MANBA: variants seen among roughly 807,000 people sequenced by gnomAD.
The protein encoded by MANBA is beta-mannosidase.
In MANBA, 83 loss-of-function variants were observed where a neutral mutation model predicts 111.1. That is an observed-to-expected ratio of 0.75 (90% CI 0.63 to 0.90). The LOEUF (loss-of-function observed/expected upper bound fraction) is 0.90. Ranked by LOEUF, MANBA falls within the 40% of genes least tolerant of loss-of-function variation. MANBA has a pLI of 0.00. For synonymous variants in MANBA, 370 were observed against 378.7 expected, an observed-to-expected ratio of 0.98 and a Z score of 0.27; for missense variants, 1,036 against 1,069.0, an observed-to-expected ratio of 0.97 and a Z score of 0.43.
At chr4:102,736,480 A>T (rs1353484076) in intron 1 of MANBA, among the ~76,000 whole-genome samples, 1 of 151,790 alleles carries the variant, frequency 6.6e-6, no homozygotes, top group Non-Finnish European at 1.5e-5. Flanking sequence ...TAGCTTTTCC[A>T]CTCCCCAGTT....
intron 7 of MANBA, among the ~76,000 whole-genome samples, chr4:102,680,511 A>G (rs1202800221): frequency 6.6e-6 from 1 of 152,114 alleles, no homozygotes; most frequent in African/African-American, 2.4e-5. Flanking sequence ...CTTGTCTAGG[A>G]AAGCTTTTCT....
chr4:102,706,355 A>G (rs1733295729), intron 5 of MANBA, among the ~76,000 whole-genome samples: 1 of 152,234 alleles, frequency 6.6e-6, no homozygotes. Flanking sequence ...GATGCTGTTT[A>G]CAGCTGAAGA....
chr4:102,734,509 A>T (rs1723139076), intron 1 of MANBA: 8 of 1,607,296 alleles, frequency 5.0e-6, no homozygotes, highest in Non-Finnish European at 6.0e-6. Context: ...CACGAGGTGG[A>T]GGCTGAACCA....
At chr4:102,660,204 T>C (rs1560754659) in intron 11 of MANBA, among the ~76,000 whole-genome samples, 2 of 152,150 alleles carry the variant, frequency 1.3e-5, no homozygotes, top group African/African-American at 2.4e-5. Context: ...ATTGGAGTCA[T>C]CTTCAATTTC....
At position 102,634,963 on chromosome 4, in the gene MANBA, A is replaced by T. The variant is rs766030670; in HGVS notation, c.2240T>A (p.Val747Asp). ...AGACACTGGCTCCTCATAAAGGCAGACAGCCTCTCCTCCTTTCATCACAAA... is the reference window on the plus strand; with the variant it reads ...AGACACTGGCTCCTCATAAAGGCAGTCAGCCTCTCCTCCTTTCATCACAAA... ...ERFVMKGGEA[V>D]CLYEEPVSEL... Residue 747 changes from valine (V) to aspartate (D), a missense_variant, in exon 16 of 17, where the codon GTC (valine) becomes GAC (aspartate). Val to Asp is a radical substitution (Grantham distance 152). Transcript: ENST00000647097. 6.2e-7 allele frequency: 1 copy of T among 1,614,236 alleles called. No individual in the cohort carries two copies. The highest frequency in any genetic ancestry group is 1.1e-5 in the South Asian group (1 of 91,088).
intron 8 of MANBA, chr4:102,672,032 G>T: frequency 2.5e-6 from 1 of 398,848 alleles, no homozygotes; most frequent in Non-Finnish European, 4.4e-6. Flanking sequence ...TGGGCTGAAG[G>T]ACCACAGCCA....
intron 16 of MANBA, chr4:102,633,440 T>C (rs1424792140): frequency 7.5e-5 from 30 of 398,534 alleles, no homozygotes; most frequent in Non-Finnish European, 9.7e-5. Flanking sequence ...TCTCTGTATG[T>C]CTGACTGCAG....
At chr4:102,702,765 C>CAATT (rs113105495) in intron 5 of MANBA, among the ~76,000 whole-genome samples, 4,233 of 152,286 alleles carry the variant, frequency 0.028, 136 homozygotes, top group African/African-American at 0.078. Flanking sequence ...CTGTCATACA[C>CAATT]AAGTTAGGGA....
intron 5 of MANBA, 38 bp downstream of exon 5, chr4:102,714,400 G>A (rs775693978): frequency 5.8e-6 from 9 of 1,562,192 alleles, no homozygotes; most frequent in Non-Finnish European, 7.9e-6. Flanking sequence ...ATAACAAGAA[G>A]ACTCAAAAAG....
intron 14 of MANBA, among the ~76,000 whole-genome samples, chr4:102,636,493 C>T (rs1001909678): frequency 3.9e-5 from 6 of 152,156 alleles, no homozygotes; most frequent in African/African-American, 1.2e-4. Flanking sequence ...AAATGTTATA[C>T]GGTGCATGAC....
chr4:102,735,233 G>C (rs747627786), intron 1 of MANBA, among the ~76,000 whole-genome samples: 72 of 152,126 alleles, frequency 4.7e-4, no homozygotes, highest in Non-Finnish European at 9.7e-4. Context: ...AGGTGCAAGG[G>C]ATTTGGCTGA....
intron 11 of MANBA, among the ~76,000 whole-genome samples, chr4:102,660,733 G>A (rs984197131): frequency 1.3e-5 from 2 of 150,366 alleles, no homozygotes; most frequent in African/African-American, 2.4e-5. Context: ...GGGGTTACAG[G>A]TGTAAGTCAC....
At chr4:102,747,458 A>C (rs751343447) in intron 1 of MANBA, among the ~76,000 whole-genome samples, 4 of 152,158 alleles carry the variant, frequency 2.6e-5, no homozygotes, top group Non-Finnish European at 4.4e-5. Context: ...TTCCCAGTCC[A>C]CTGAGTCAAA....
At chr4:102,671,129 T>C (rs1455705891) in intron 9 of MANBA, 152 bp downstream of exon 9, 1 of 640,670 alleles carries the variant, frequency 1.6e-6, no homozygotes, top group Non-Finnish European at 2.9e-6. Context: ...CACCTATGGC[T>C]CTTGGTTTAC....
At chr4:102,708,979 G>A (rs1248121229) in intron 5 of MANBA, among the ~76,000 whole-genome samples, 1 of 151,924 alleles carries the variant, frequency 6.6e-6, no homozygotes, top group East Asian at 1.9e-4. Flanking sequence ...AAAACATAGA[G>A]AAAATAGGTA....
intron 7 of MANBA, among the ~76,000 whole-genome samples, chr4:102,685,935 CTG>C (rs1732189887): frequency 6.6e-6 from 1 of 151,990 alleles, no homozygotes; most frequent in Admixed American, 6.6e-5. Flanking sequence ...AGACTGAAGA[CTG>C]AAGACTGAAG....
At position 102,668,961 on chromosome 4, in the gene MANBA, A is replaced by T; in HGVS notation, c.1317+2T>A. The T allele has an allele frequency of 3.1e-6, 5 of 1,605,970 alleles. No individual in the cohort carries two copies. The South Asian group carries it at 5.5e-5, about 18-fold the overall frequency. On this transcript the variant is annotated splice_donor_variant, in intron 10 of 16. Transcript: ENST00000647097. LOFTEE classifies it high-confidence loss of function. ...TTTCTTCTTGGAAGGGTAGTAACAT[A>T]CCTGGTAGGCAACTTCTGCTGTCAC...
chr4:102,751,235 T>C (rs1723777648), intron 1 of MANBA, among the ~76,000 whole-genome samples: 2 of 152,164 alleles, frequency 1.3e-5, no homozygotes, highest in Non-Finnish European at 2.9e-5. Context: ...TTAGAAAGAA[T>C]GATTGTGGGT....
rs771191117 is a variant in MANBA, at chr4:102,760,766, C to A, written c.129G>T (p.Ala43=). 2.3e-5 allele frequency: 36 copies of A among 1,550,264 alleles called. No individual in the cohort carries two copies. The highest frequency in any genetic ancestry group is 2.9e-5 in the Non-Finnish European group (33 of 1,147,352). Residue 43 remains alanine (A), a synonymous_variant, in exon 1 of 17, where the codon GCG becomes GCT. Transcript: ENST00000647097. ...NGNGSLELPG[A]VPGCVHSALF... ...AGGCGCTGTGCACGCAGCCAGGGAC[C>A]GCCCCGGGCAGCTCCAGCGAGCCGT...
Sources: allele counts gnomAD v4.1 joint callset (sites outside exome capture counted in the v4.1 genomes callset), GRCh38; gene constraint gnomAD v4.1.1; transcripts MANE v1.5; gene names NCBI Gene and HGNC (gene_info 2026-07-23, HGNC 2026-07-21).